Variants in DAB1 observed in about 807,000 individuals in gnomAD.
DAB1 encodes DAB adaptor protein 1.
A neutral mutation model predicts 64.6 loss-of-function variants in DAB1; 15 were observed. The observed-to-expected ratio is 0.23, with a 90% confidence interval of 0.16 to 0.36. The LOEUF (loss-of-function observed/expected upper bound fraction) is 0.36, where lower values mean the gene tolerates loss of function less well. Ranked by LOEUF, DAB1 falls within the 10% of genes least tolerant of loss-of-function variation. The probability of loss-of-function intolerance (pLI) is 1.00; values close to 1 mark genes in which losing one functional copy is unlikely to be tolerated. For missense variants in DAB1, 596 were observed against 706.7 expected (o/e 0.84, Z 1.78); for synonymous variants, 235 against 251.9 (o/e 0.93, Z 0.64).
At chr1:57,013,231 T>C (rs1365429925) in intron 12 of DAB1, among the ~76,000 whole-genome samples, 1 of 152,246 alleles carries the variant, frequency 6.6e-6, no homozygotes, top group Non-Finnish European at 1.5e-5. Context: ...TTTCATTCTC[T>C]ATAACCTTTC....
intron 4 of DAB1, among the ~76,000 whole-genome samples, chr1:58,163,055 C>T (rs1351899869): frequency 6.6e-6 from 1 of 152,130 alleles, no homozygotes; most frequent in Non-Finnish European, 1.5e-5. Context: ...GTCCAAAATG[C>T]CAAAGTGGAG....
chr1:57,270,949 GAGTGTGGGTAC>G (rs752536296), intron 2 of DAB1, among the ~76,000 whole-genome samples: 6 of 152,312 alleles, frequency 3.9e-5, no homozygotes, highest in Non-Finnish European at 7.3e-5. Context: ...GTGGGTGAGG[GAGTGTGGGTAC>G]AGTATAAGTC....
At chr1:58,290,489 T>A (rs1463193117) in intron 4 of DAB1, among the ~76,000 whole-genome samples, 1 of 152,102 alleles carries the variant, frequency 6.6e-6, no homozygotes, top group Non-Finnish European at 1.5e-5. Context: ...GGTAGAGAAG[T>A]AGACATGAGG....
At chr1:58,369,858 G>A (rs1254742356) in intron 3 of DAB1, among the ~76,000 whole-genome samples, 14 of 152,144 alleles carry the variant, frequency 9.2e-5, no homozygotes. Context: ...CAGTTAATCA[G>A]AATTAAGAAT....
rs554682514 is a variant in DAB1, at chr1:58,183,681, T to A, written n.310-33093A>T. Among the ~76,000 whole-genome samples, 88 of 151,996 alleles carry A rather than the reference T, an allele frequency of 5.8e-4. 1 individual carries two copies. In the South Asian group the frequency reaches 0.018, roughly 31 times the overall value. The stretch of plus-strand genomic sequence containing the variant: ...GTTGTTATTGTTTTACAAGTGATAT[T>A]TTAGATGACGTATTATAGGAATTCT... On this transcript the variant is annotated intron_variant and non_coding_transcript_variant, in intron 4 of 20. Coordinates refer to the DAB1 transcript ENST00000485760.
intron 2 of DAB1, among the ~76,000 whole-genome samples, chr1:57,151,912 C>T (rs1659711387): frequency 6.8e-6 from 1 of 146,940 alleles, no homozygotes; most frequent in Non-Finnish European, 1.5e-5. Context: ...CTCCCAGGTT[C>T]AAGCGATTCT....
intron 5 of DAB1, among the ~76,000 whole-genome samples, chr1:57,984,237 AAAGAAAGAAAGAAAGAAAGAAAG>A (rs1202621614): frequency 8.0e-5 from 12 of 150,644 alleles, no homozygotes; most frequent in Non-Finnish European, 1.6e-4. Flanking sequence ...AGAAAGAAAG[AAAGAAAGAAAGAAAGAAAGAAAG>A]AAAAAAAATT....
At chr1:57,328,717 A>G (rs1676393148) in intron 1 of DAB1, among the ~76,000 whole-genome samples, 1 of 152,164 alleles carries the variant, frequency 6.6e-6, no homozygotes, top group Non-Finnish European at 1.5e-5. Context: ...TCCTTTCTCT[A>G]TATCACCACT....
intron 2 of DAB1, among the ~76,000 whole-genome samples, chr1:57,231,466 C>G (rs1667677645): frequency 6.6e-6 from 1 of 152,190 alleles, no homozygotes; most frequent in African/African-American, 2.4e-5. Context: ...AATACAGTAC[C>G]TATCAAACTC....
chr1:58,343,996 C>T (rs1643968149), intron 3 of DAB1, among the ~76,000 whole-genome samples: 1 of 152,114 alleles, frequency 6.6e-6, no homozygotes. Context: ...AGTGGGCACT[C>T]AACAATGTCT....
chr1:58,328,256 G>A (rs1303743610), intron 4 of DAB1, among the ~76,000 whole-genome samples: 4 of 152,162 alleles, frequency 2.6e-5, no homozygotes, highest in Non-Finnish European at 4.4e-5. Flanking sequence ...ACCTGCCATC[G>A]CAGCTCCTAT....
chr1:57,413,469 C>T (rs192085466), intron 1 of DAB1, among the ~76,000 whole-genome samples: 348 of 152,174 alleles, frequency 2.3e-3, no homozygotes, highest in African/African-American at 7.6e-3. Context: ...TGGCCCAGCG[C>T]GGTGGCTCAT....
At chr1:57,395,113 C>T (rs181176886) in intron 1 of DAB1, among the ~76,000 whole-genome samples, 5 of 152,276 alleles carry the variant, frequency 3.3e-5, no homozygotes, top group Admixed American at 3.3e-4. Flanking sequence ...CAACCTCCAC[C>T]TCCGGGTTTC....
chr1:57,102,822 C>T (rs535815579), intron 4 of DAB1, among the ~76,000 whole-genome samples: 1 of 152,234 alleles, frequency 6.6e-6, no homozygotes, highest in East Asian at 1.9e-4. Flanking sequence ...AATGCATATC[C>T]ACGTGTTTAA....
intron 4 of DAB1, among the ~76,000 whole-genome samples, chr1:58,156,891 AT>A (rs1655257232): frequency 6.6e-6 from 1 of 152,304 alleles, no homozygotes; most frequent in South Asian, 2.1e-4. Flanking sequence ...CAACTTTATA[AT>A]GGTACTAGCT....
chr1:57,907,766 G>A (rs547266899), intron 5 of DAB1, among the ~76,000 whole-genome samples: 37 of 151,952 alleles, frequency 2.4e-4, no homozygotes, highest in Non-Finnish European at 3.4e-4. Context: ...GTCACGCGTT[G>A]CTTAACGATG....
chr1:57,011,408 G>T, intron 12 of DAB1, 136 bp from the exon 13 acceptor site: 1 of 1,035,012 alleles, frequency 9.7e-7, no homozygotes, highest in Non-Finnish European at 1.4e-6. Context: ...GGAATCAGTT[G>T]AATATTTGAA....
intron 4 of DAB1, among the ~76,000 whole-genome samples, chr1:58,293,742 T>G (rs558327761): frequency 1.2e-4 from 19 of 152,310 alleles, no homozygotes; most frequent in African/African-American, 4.3e-4. Flanking sequence ...GCAGAAGCCA[T>G]AAGCCCCTTC....
chr1:58,114,753 C>A (rs1652215309), intron 5 of DAB1, among the ~76,000 whole-genome samples: 1 of 152,214 alleles, frequency 6.6e-6, no homozygotes, highest in African/African-American at 2.4e-5. Context: ...TCTGCCAACA[C>A]CTGCCCTTAA....
Sources: allele counts gnomAD v4.1 joint callset (sites outside exome capture counted in the v4.1 genomes callset), GRCh38; gene constraint gnomAD v4.1.1; transcripts MANE v1.5; gene names NCBI Gene and HGNC (gene_info 2026-07-23, HGNC 2026-07-21).